Variants in IFT88 observed in about 807,000 individuals in gnomAD.
The protein encoded by IFT88 is intraflagellar transport 88.
Under a neutral mutation model 119.5 loss-of-function variants are expected in IFT88, and 74 were observed. The ratio of observed to expected loss-of-function variants is 0.62; its 90% CI spans 0.51 to 0.75. The LOEUF (loss-of-function observed/expected upper bound fraction) is 0.75, where lower values mean the gene tolerates loss of function less well. IFT88 is among the 30% of genes least tolerant of loss of function. The pLI is 0.00. For missense variants in IFT88, 961 were observed against 977.7 expected, an observed-to-expected ratio of 0.98 and a Z score of 0.23; for synonymous variants, 279 against 316.7, an observed-to-expected ratio of 0.88 and a Z score of 1.26.
At chr13:20,582,522 A>G (rs1178862488) in intron 2 of IFT88, among the ~76,000 whole-genome samples, 1 of 152,072 alleles carries the variant, frequency 6.6e-6, no homozygotes, top group Non-Finnish European at 1.5e-5. Flanking sequence ...CCCTGCTTGT[A>G]GAAAATATGG....
intron 24 of IFT88, among the ~76,000 whole-genome samples, chr13:20,675,071 G>A (rs533636703): frequency 6.6e-6 from 1 of 152,104 alleles, no homozygotes; most frequent in East Asian, 1.9e-4. Flanking sequence ...CCTTTCCACA[G>A]TTTTGCTGGG....
At chr13:20,609,340 C>T (rs772951865) in intron 13 of IFT88, among the ~76,000 whole-genome samples, 10 of 152,136 alleles carry the variant, frequency 6.6e-5, no homozygotes, top group Non-Finnish European at 1.0e-4. Context: ...GACAAGACCA[C>T]GGCGTTTTGG....
At chr13:20,674,724 ATTTT>A (rs35617736) in intron 24 of IFT88, among the ~76,000 whole-genome samples, 3 of 73,812 alleles carry the variant, frequency 4.1e-5, no homozygotes, top group African/African-American at 1.5e-4. Context: ...ATATATATAT[ATTTT>A]TTTTTTTTTT....
Position 20,691,104 on chromosome 13 carries a change from G to T in IFT88, c.2404G>T (p.Ala802Ser), listed in dbSNP as rs779381228. 6.2e-7 allele frequency: 1 copy of T among 1,613,984 alleles called. No homozygotes were observed. Among genetic ancestry groups the T allele is most frequent in the South Asian group, 1.1e-5 (1 of 91,062 alleles). Residue 802 changes from alanine to serine, a missense_variant, in exon 26 of 26, where the codon GCA becomes TCA. Physicochemically the swap from Ala to Ser is moderately conservative, Grantham distance 99. Transcript: ENST00000351808. ...LGPQIERPKT[A>S]AKKRIDEDDF... ...CCCTCAAATAGAACGACCAAAAACT[G>T]CAGCCAAGAAAAGGATCGATGAGGA... is the stretch of plus-strand genomic sequence containing the variant.
At chr13:20,659,446 A>G (rs1321858534) in intron 22 of IFT88, among the ~76,000 whole-genome samples, 1 of 152,052 alleles carries the variant, frequency 6.6e-6, no homozygotes, top group Non-Finnish European at 1.5e-5. Flanking sequence ...GTGAGCTGTG[A>G]TTGTGCCAGT....
At chr13:20,689,326 C>T (rs1399738101) in intron 24 of IFT88, among the ~76,000 whole-genome samples, 2 of 152,146 alleles carry the variant, frequency 1.3e-5, no homozygotes, top group Non-Finnish European at 2.9e-5. Flanking sequence ...TTTTGGGTGC[C>T]TGAGGGAGCT....
At chr13:20,653,809 A>G in intron 20 of IFT88, 67 bp from the exon 21 acceptor site, 2 of 831,030 alleles carry the variant, frequency 2.4e-6, no homozygotes, top group East Asian at 2.6e-5. Context: ...GTAGATACAT[A>G]GCTTTATAAA....
intron 21 of IFT88, among the ~76,000 whole-genome samples, chr13:20,654,264 TA>T (rs1049460797): frequency 2.0e-5 from 3 of 152,236 alleles, no homozygotes; most frequent in Non-Finnish European, 4.4e-5. Flanking sequence ...CAGTTAATTC[TA>T]AATGTCCTGT....
Position 20,599,523 on chromosome 13 carries a change from G to A in IFT88, c.770G>A (p.Arg257Gln), listed in dbSNP as rs199610348. The change falls in exon 11 of 26, where the codon CGA becomes CAA. Residue 257 changes from arginine (R) to glutamine (Q), a missense_variant. Transcript: ENST00000351808. The stretch of plus-strand genomic sequence containing the variant: ...TATTCCAAAGCCATTAAATTCTACC[G>A]AATGGCATTAGACCAAGTTCCAAGT... ...RNYSKAIKFYRMALDQVPSVN... is the reference protein window; with the variant it reads ...RNYSKAIKFYQMALDQVPSVN... 1.8e-4 allele frequency: 278 copies of A among 1,553,528 alleles called. No individual in the cohort carries two copies. In the East Asian group the frequency reaches 4.1e-3, roughly 23 times the overall value.
intron 23 of IFT88, among the ~76,000 whole-genome samples, chr13:20,667,693 C>CA (rs1200711565): frequency 1.3e-5 from 2 of 149,778 alleles, no homozygotes; most frequent in African/African-American, 5.1e-5. Flanking sequence ...CCGCCCACCT[C>CA]GGCCTCCCAA....
chr13:20,590,675 G>A (rs79375059), intron 4 of IFT88, among the ~76,000 whole-genome samples: 1,793 of 152,220 alleles, frequency 0.012, 36 homozygotes, highest in African/African-American at 0.042. Flanking sequence ...TATGTTCTCT[G>A]TTGCTACTAT....
intron 1 of IFT88, among the ~76,000 whole-genome samples, chr13:20,574,154 C>T (rs1487156030): frequency 6.6e-6 from 1 of 151,746 alleles, no homozygotes; most frequent in Non-Finnish European, 1.5e-5. Context: ...TAGGGAGATC[C>T]CATCTTTACA....
intron 24 of IFT88, among the ~76,000 whole-genome samples, chr13:20,690,421 A>T (rs1286575100): frequency 6.6e-6 from 1 of 152,226 alleles, no homozygotes; most frequent in Non-Finnish European, 1.5e-5. Flanking sequence ...GTGATCTCTT[A>T]CTTTCTCTTA....
chr13:20,651,106 A>G (rs999921760), intron 20 of IFT88, among the ~76,000 whole-genome samples: 4 of 152,098 alleles, frequency 2.6e-5, no homozygotes, highest in Non-Finnish European at 4.4e-5. Flanking sequence ...ATCAGGAAGC[A>G]TGAGTTCTTC....
intron 1 of IFT88, among the ~76,000 whole-genome samples, chr13:20,569,150 T>C (rs1412585000): frequency 6.6e-6 from 1 of 152,188 alleles, no homozygotes; most frequent in African/African-American, 2.4e-5. Context: ...GACCTAAATA[T>C]AAGAGCTAAA....
chr13:20,643,226 G>A (rs1042850683), intron 18 of IFT88, among the ~76,000 whole-genome samples: 2 of 152,174 alleles, frequency 1.3e-5, no homozygotes, highest in Admixed American at 6.5e-5. Flanking sequence ...GTTGATCTTA[G>A]TGGATAGTAA....
At chr13:20,609,915 C>G (rs2044187511) in intron 13 of IFT88, among the ~76,000 whole-genome samples, 1 of 152,122 alleles carries the variant, frequency 6.6e-6, no homozygotes, top group Admixed American at 6.5e-5. Context: ...ACTGTGCCCT[C>G]AGGGAGGGGA....
chr13:20,626,684 G>C (rs193046987), intron 15 of IFT88, among the ~76,000 whole-genome samples: 1 of 152,144 alleles, frequency 6.6e-6, no homozygotes, highest in East Asian at 1.9e-4. Context: ...TAGCTTGGGT[G>C]GGGGGTAGAG....
chr13:20,630,701 C>T (rs1253302381), intron 15 of IFT88, among the ~76,000 whole-genome samples: 2 of 152,134 alleles, frequency 1.3e-5, no homozygotes, highest in Admixed American at 6.6e-5. Flanking sequence ...GCCCAGCCTT[C>T]CAAGGCTCAT....
Sources: allele counts gnomAD v4.1 joint callset (sites outside exome capture counted in the v4.1 genomes callset), GRCh38; gene constraint gnomAD v4.1.1; transcripts MANE v1.5; gene names NCBI Gene and HGNC (gene_info 2026-07-23, HGNC 2026-07-21).